The following ADAMTS2 variants were observed in gnomAD, a reference collection of about 807,000 sequenced individuals.
ADAMTS2 encodes A disintegrin and metalloproteinase with thrombospondin motifs 2.
In ADAMTS2, 50 loss-of-function variants were observed where a neutral mutation model predicts 123.0. The observed-to-expected ratio is 0.41, with a 90% CI of 0.32 to 0.51. The LOEUF (loss-of-function observed/expected upper bound fraction) is 0.51, where lower values mean the gene tolerates loss of function less well. Among genes scored for constraint, ADAMTS2 ranks in the 20% least tolerant of loss-of-function variants. The pLI, the probability that ADAMTS2 is intolerant of heterozygous loss-of-function variation, is 0.35. For missense variants in ADAMTS2, 1,494 were observed against 1,705.2 expected (o/e 0.88, Z 2.18); for synonymous variants, 678 against 695.4 (o/e 0.98, Z 0.39).
intron 2 of ADAMTS2, among the ~76,000 whole-genome samples, chr5:179,281,877 C>T (rs181979506): frequency 4.0e-4 from 61 of 152,302 alleles, no homozygotes; most frequent in African/African-American, 1.2e-3. Flanking sequence ...CATCATGCTT[C>T]GGCTTGCATT....
At chr5:179,222,517 C>G (rs1765150207) in intron 3 of ADAMTS2, among the ~76,000 whole-genome samples, 7 of 152,230 alleles carry the variant, frequency 4.6e-5, no homozygotes, top group Admixed American at 4.6e-4. Flanking sequence ...TTGCCGGGCC[C>G]CAGCTGCCCT....
intron 3 of ADAMTS2, among the ~76,000 whole-genome samples, chr5:179,238,484 A>C (rs747403144): frequency 1.3e-5 from 2 of 152,120 alleles, no homozygotes; most frequent in Non-Finnish European, 2.9e-5. Flanking sequence ...TGCGAGTGCC[A>C]GGGCAGGTGG....
At chr5:179,154,757 A>G in intron 7 of ADAMTS2, 57 bp downstream of exon 7, 1 of 1,424,248 alleles carries the variant, frequency 7.0e-7, no homozygotes, top group Admixed American at 1.9e-5. Context: ...GTGGGCAGCC[A>G]GGGCTGGGGA....
In ADAMTS2 at chr5:179,295,583, A is replaced by G. The variant is rs145187935; in HGVS notation, c.535-22519T>C. Among the ~76,000 whole-genome samples, 249 of 152,084 alleles carry G rather than the reference A, an allele frequency of 1.6e-3. 1 individual carries two copies. Among genetic ancestry groups the G allele is most frequent in the African/African-American group, 5.6e-3 (231 of 41,488 alleles). On this transcript the variant is annotated intron_variant, in intron 2 of 21. Transcript: ENST00000251582. ...TAGTCCAGGTGCTGGTCCCATCTCT[A>G]GGGTTTGGGATGGGACTTCCACACT...
chr5:179,174,240 C>G (rs1447257453), intron 5 of ADAMTS2, among the ~76,000 whole-genome samples: 1 of 152,056 alleles, frequency 6.6e-6, no homozygotes, highest in Non-Finnish European at 1.5e-5. Flanking sequence ...CTCTTAGCCA[C>G]TTGGATTTTT....
In ADAMTS2 at chr5:179,154,072, C is replaced by T. The variant is rs1763418829; in HGVS notation, c.1359G>A (p.Gln453=). The T allele has an allele frequency of 1.2e-6, 2 of 1,604,154 alleles. No homozygotes were observed. Among genetic ancestry groups the T allele is most frequent in the Non-Finnish European group, 8.5e-7 (1 of 1,178,084 alleles). ...ACTGCAGGTAGCGGCTCAGCTCCTGCTGGCTGCAGCGGGACCAGTGGAAGC... is the reference window on the plus strand; with the variant it reads ...ACTGCAGGTAGCGGCTCAGCTCCTGTTGGCTGCAGCGGGACCAGTGGAAGC... ...FHRFHWSRCS[Q]QELSRYLHSY... Residue 453 remains glutamine, a synonymous_variant, in exon 8 of 22, where the codon CAG becomes CAA. Transcript: ENST00000251582.
intron 2 of ADAMTS2, 42 bp downstream of exon 2, chr5:179,343,725 G>C (rs752388863): frequency 6.9e-6 from 11 of 1,596,164 alleles, no homozygotes. Flanking sequence ...AAACCCAGGC[G>C]AGAGCAGCGG....
chr5:179,138,244 G>C (rs905160492), intron 11 of ADAMTS2, among the ~76,000 whole-genome samples: 24 of 152,194 alleles, frequency 1.6e-4, no homozygotes, highest in African/African-American at 5.5e-4. Context: ...CTCCTCCCCA[G>C]CACTGATGCC....
chr5:179,139,983 TC>T lies in ADAMTS2; in HGVS notation c.1681del (p.Asp561ThrfsTer21). 6.2e-7 allele frequency: 1 copy of T among 1,614,062 alleles called. No individual in the cohort carries two copies. Among genetic ancestry groups the T allele is most frequent in the Non-Finnish European group, 8.5e-7 (1 of 1,180,014 alleles). The part of the protein sequence containing the change: ...IWLTPDILKR[D>X]GSWGAWSPFG... ...CGGACTCCAAGCGCCCCAGCTGCCG[TC>T]CCGTTTGAGGATGTCAGGTGTCAGC... is the stretch of plus-strand genomic sequence containing the variant. On this transcript the variant is annotated frameshift_variant, in exon 11 of 22. Transcript: ENST00000251582. LOFTEE classifies it high-confidence loss of function.
intron 13 of ADAMTS2, among the ~76,000 whole-genome samples, 175 bp downstream of exon 13, chr5:179,135,734 C>T (rs1438051429): frequency 2.6e-5 from 4 of 152,190 alleles, no homozygotes; most frequent in East Asian, 3.9e-4. Flanking sequence ...GCTCCCAGCA[C>T]AGGGGAGGGG....
At chr5:179,239,431 T>C (rs567135773) in intron 3 of ADAMTS2, among the ~76,000 whole-genome samples, 1 of 151,702 alleles carries the variant, frequency 6.6e-6, no homozygotes, top group African/African-American at 2.4e-5. Flanking sequence ...GCGGAGAGGG[T>C]GAGCGCGAGT....
rs1226413688 is a variant in ADAMTS2 at position 179,185,987 on chromosome 5, G to A, written c.892-4832C>T. ...CTCCCTGGTAGCCTTCAACTGTGGT[G>A]CGCTCTCCCTGATCCTCTCCCCAGG... On this transcript the variant is annotated intron_variant, in intron 4 of 21. Coordinates refer to ENST00000251582, the MANE Select transcript of ADAMTS2 (RefSeq NM_014244.5). This position sits in a 1 kb window ranked among gnomAD's most constrained non-coding sequence, Gnocchi z 5.9. Among the ~76,000 whole-genome samples, 2 of 152,016 alleles carry A rather than the reference G, an allele frequency of 1.3e-5. No individual in the cohort carries two copies. Among genetic ancestry groups the A allele is most frequent in the Admixed American group, 1.3e-4 (2 of 15,276 alleles).
chr5:179,315,336 GGT>G (rs1756963391), intron 2 of ADAMTS2, among the ~76,000 whole-genome samples: 2 of 44,106 alleles, frequency 4.5e-5, no homozygotes, highest in African/African-American at 1.9e-4. Flanking sequence ...GCTTTGGGAA[GGT>G]CATGTCGGGA....
At chr5:179,213,896 G>A (rs2113389401) in intron 3 of ADAMTS2, among the ~76,000 whole-genome samples, 1 of 152,336 alleles carries the variant, frequency 6.6e-6, no homozygotes, top group Non-Finnish European at 1.5e-5. Flanking sequence ...ACAGTGATAG[G>A]AGCACTGTAA....
Position 179,112,240 on chromosome 5 carries a change from T to C in ADAMTS2, c.*1627A>G, listed in dbSNP as rs990303864. On this transcript the variant is annotated 3_prime_UTR_variant, in exon 22 of 22. Transcript: ENST00000251582. ...TGAACAAATTCTCGAAGAGGATTGG[T>C]GAGAGTACACAGCCTCTAGAAGTTT... 2 of 152,206 alleles carry C rather than the reference T, an allele frequency of 1.3e-5. No homozygotes were observed. Among genetic ancestry groups the C allele is most frequent in the Admixed American group, 1.3e-4 (2 of 15,278 alleles). 9.4% of individuals were successfully genotyped at this position (152,206 alleles called of 1,614,324 possible). A position where few individuals can be genotyped will look rare whatever the true frequency, so the allele number is the denominator to read the frequency against.
chr5:179,281,073 G>A (rs1376877033), intron 2 of ADAMTS2, among the ~76,000 whole-genome samples: 2 of 152,152 alleles, frequency 1.3e-5, no homozygotes, highest in African/African-American at 4.8e-5. Context: ...GGCCAGGCTG[G>A]TCTCAAACTC....
rs1240852264 is a variant in ADAMTS2 at position 179,327,552 on chromosome 5, C to T, written c.534+16215G>A. On this transcript the variant is annotated intron_variant, in intron 2 of 21. Coordinates refer to ENST00000251582, the MANE Select transcript of ADAMTS2 (RefSeq NM_014244.5). The stretch of plus-strand genomic sequence containing the variant: ...TCCTTGACTGAAAGGGAAGGTCAAC[C>T]GCCGCCACTCATCCCCATAAAACCA... Among the ~76,000 whole-genome samples the T allele has an allele frequency of 2.0e-5, 3 of 152,318 alleles. No homozygotes were observed. In the South Asian group the frequency reaches 6.2e-4, roughly 32 times the overall value.
chr5:179,278,701 G>A (rs539613099), intron 2 of ADAMTS2, among the ~76,000 whole-genome samples: 1 of 152,060 alleles, frequency 6.6e-6, no homozygotes, highest in African/African-American at 2.4e-5. Flanking sequence ...TTCTCCCCTG[G>A]GGGACAGAGA....
intron 4 of ADAMTS2, among the ~76,000 whole-genome samples, chr5:179,193,018 C>T (rs1009794413): frequency 1.3e-5 from 2 of 152,206 alleles, no homozygotes; most frequent in African/African-American, 2.4e-5. Flanking sequence ...CTCTTTTGCA[C>T]AAGGGGCTCC....
Sources: gnomAD v4.1 joint callset for allele counts (sites outside exome capture counted in the v4.1 genomes callset) on GRCh38, gnomAD v4.1.1 for gene constraint, Gnocchi (gnomAD v3.1) non-coding constraint, MANE v1.5 for transcripts, NCBI Gene and HGNC (gene_info 2026-07-23, HGNC 2026-07-21) for gene names.